Variants in PRKAG2 observed in about 807,000 individuals in gnomAD.
The protein encoded by PRKAG2 is protein kinase AMP-activated non-catalytic subunit gamma 2.
In PRKAG2, 26 loss-of-function variants were observed where a neutral mutation model predicts 69.6. The ratio of observed to expected loss-of-function variants is 0.37; its 90% CI spans 0.27 to 0.52. The LOEUF (loss-of-function observed/expected upper bound fraction) is 0.52. Ranked by LOEUF, PRKAG2 falls within the 20% of genes least tolerant of loss-of-function variation. The probability of loss-of-function intolerance (pLI) is 0.90; values close to 1 mark genes in which losing one functional copy is unlikely to be tolerated. For missense variants in PRKAG2, 557 were observed against 740.0 expected, an observed-to-expected ratio of 0.75 and a Z score of 2.87; for synonymous variants, 293 against 285.0, an observed-to-expected ratio of 1.03 and a Z score of -0.28.
chr7:151,752,542 T>C (rs1188219854), intron 3 of PRKAG2, among the ~76,000 whole-genome samples: 1 of 152,070 alleles, frequency 6.6e-6, no homozygotes, highest in Non-Finnish European at 1.5e-5. Flanking sequence ...GTAACAAACA[T>C]TCACATGGAC....
In PRKAG2 at chr7:151,828,184, G is replaced by A. The variant is rs2078950604; in HGVS notation, c.115-41643C>T. 6.6e-6 allele frequency among the ~76,000 whole-genome samples: 1 copy of A among 152,222 alleles called. No homozygotes were observed. Among genetic ancestry groups the A allele is most frequent in the Non-Finnish European group, 1.5e-5 (1 of 68,042 alleles). On this transcript the variant is annotated intron_variant, in intron 1 of 15. Coordinates refer to ENST00000287878, the MANE Select transcript of PRKAG2 (RefSeq NM_016203.4). This position sits in a 1 kb window ranked among gnomAD's most constrained non-coding sequence, Gnocchi z 4.6. ...AATGAGTGCAACTCTTTGTCCAGGGGTCTCCACGCTTTTGTGAGGAAGAGC... is the reference window on the plus strand; with the variant it reads ...AATGAGTGCAACTCTTTGTCCAGGGATCTCCACGCTTTTGTGAGGAAGAGC...
At chr7:151,827,745 TAAA>T (rs55685618) in intron 1 of PRKAG2, among the ~76,000 whole-genome samples, 17 of 52,258 alleles carry the variant, frequency 3.3e-4, no homozygotes, top group South Asian at 1.1e-3. Flanking sequence ...TGGCCTTAGG[TAAA>T]AAAAAAAAAA....
At chr7:151,578,614 G>T (rs567418414) in intron 6 of PRKAG2, among the ~76,000 whole-genome samples, 87 of 152,286 alleles carry the variant, frequency 5.7e-4, no homozygotes, top group African/African-American at 1.8e-3. Context: ...GCTGAGTCCT[G>T]AATATAGCAG....
At chr7:151,728,340 C>T (rs543116330) in intron 3 of PRKAG2, among the ~76,000 whole-genome samples, 1 of 152,282 alleles carries the variant, frequency 6.6e-6, no homozygotes, top group East Asian at 1.9e-4. Flanking sequence ...CTGAATGTAC[C>T]AAGTGCTCAC....
chr7:151,865,539 C>T (rs1156799006), intron 1 of PRKAG2, among the ~76,000 whole-genome samples: 7 of 152,216 alleles, frequency 4.6e-5, no homozygotes, highest in Admixed American at 4.6e-4. Context: ...CAGTGAGACC[C>T]CTGTGCCTGG....
chr7:151,873,751 G>A (rs1426004121), intron 1 of PRKAG2, among the ~76,000 whole-genome samples: 5 of 152,136 alleles, frequency 3.3e-5, no homozygotes, highest in East Asian at 1.9e-4. Flanking sequence ...CAACGTTCAC[G>A]GCCTGGCCTC....
intron 14 of PRKAG2, among the ~76,000 whole-genome samples, chr7:151,561,679 T>C (rs903824266): frequency 3.3e-5 from 5 of 152,202 alleles, no homozygotes; most frequent in African/African-American, 9.7e-5. Context: ...ACGCCTGTAA[T>C]CCCAGCACTT....
intron 3 of PRKAG2, among the ~76,000 whole-genome samples, chr7:151,728,254 C>G (rs1043681890): frequency 1.8e-4 from 28 of 152,146 alleles, no homozygotes; most frequent in Non-Finnish European, 2.9e-5. Flanking sequence ...CTGAGAGCAC[C>G]TGGACTTTGC....
chr7:151,700,185 G>A (rs905829853), intron 3 of PRKAG2, among the ~76,000 whole-genome samples: 2 of 152,226 alleles, frequency 1.3e-5, no homozygotes, highest in Non-Finnish European at 2.9e-5. Context: ...TTCTGCAGCA[G>A]TGTTTTAAGT....
At chr7:151,752,361 C>G (rs1299279993) in intron 3 of PRKAG2, among the ~76,000 whole-genome samples, 1 of 151,800 alleles carries the variant, frequency 6.6e-6, no homozygotes, top group Admixed American at 6.6e-5. Flanking sequence ...TAAGAACTTA[C>G]GAACACAAAG....
At chr7:151,604,462 T>A (rs113907466) in intron 5 of PRKAG2, among the ~76,000 whole-genome samples, 1 of 151,848 alleles carries the variant, frequency 6.6e-6, no homozygotes, top group African/African-American at 2.4e-5. Flanking sequence ...CATAGTGAGA[T>A]CCCGTTTCTA....
chr7:151,715,055 G>A (rs1336940902), intron 3 of PRKAG2, among the ~76,000 whole-genome samples: 4 of 141,506 alleles, frequency 2.8e-5, no homozygotes, highest in East Asian at 2.0e-4. Context: ...CGCTCTTGTT[G>A]CCCAGGCTGG....
At chr7:151,759,972 C>T (rs766827083) in intron 3 of PRKAG2, among the ~76,000 whole-genome samples, 1 of 152,206 alleles carries the variant, frequency 6.6e-6, no homozygotes, top group Non-Finnish European at 1.5e-5. Flanking sequence ...CCAGGCTGAG[C>T]GGCTGTCCCA....
Position 151,850,568 on chromosome 7 carries a change from G to A in PRKAG2, c.114+25939C>T, listed in dbSNP as rs755417936. 2.0e-4 allele frequency among the ~76,000 whole-genome samples: 31 copies of A among 151,862 alleles called. No individual in the cohort carries two copies. Among genetic ancestry groups the A allele is most frequent in the Non-Finnish European group, 2.9e-5 (2 of 68,042 alleles). On this transcript the variant is annotated intron_variant, in intron 1 of 15. Coordinates refer to ENST00000287878, the MANE Select transcript of PRKAG2 (RefSeq NM_016203.4). The surrounding 1 kb of genome is among the most constrained non-coding windows in gnomAD (Gnocchi z 4.1). ...GCCCAAGCTCACACTCAGCCAAGGAGCCCCGAGCCTGGATTGGAACCCAGA... is the reference window on the plus strand; with the variant it reads ...GCCCAAGCTCACACTCAGCCAAGGAACCCCGAGCCTGGATTGGAACCCAGA...
chr7:151,768,980 C>A (rs927979404), intron 3 of PRKAG2, among the ~76,000 whole-genome samples: 3 of 152,252 alleles, frequency 2.0e-5, no homozygotes, highest in African/African-American at 4.8e-5. Flanking sequence ...TGCACTGTGG[C>A]CTTCCTGTCC....
chr7:151,599,027 T>C (rs1371608786), intron 5 of PRKAG2, among the ~76,000 whole-genome samples: 1 of 152,072 alleles, frequency 6.6e-6, no homozygotes, highest in Non-Finnish European at 1.5e-5. Flanking sequence ...AATATTTGTA[T>C]TTTTAGTAGA....
At chr7:151,822,127 G>A (rs750404303) in intron 1 of PRKAG2, among the ~76,000 whole-genome samples, 63 of 152,188 alleles carry the variant, frequency 4.1e-4, no homozygotes, top group South Asian at 2.1e-4. Context: ...CTTAAGGCAA[G>A]GTAGGAAATG....
intron 1 of PRKAG2, among the ~76,000 whole-genome samples, chr7:151,840,284 G>A (rs1395171135): frequency 6.6e-6 from 1 of 152,166 alleles, no homozygotes; most frequent in African/African-American, 2.4e-5. Context: ...CAACTGGCTG[G>A]CTAAGGTGCC....
At chr7:151,685,633 G>A (rs1378569272) in intron 3 of PRKAG2, among the ~76,000 whole-genome samples, 1 of 152,048 alleles carries the variant, frequency 6.6e-6, no homozygotes, top group Non-Finnish European at 1.5e-5. Context: ...GCTGGGCATG[G>A]TGGCCTGTGC....
Sources: allele counts gnomAD v4.1 joint callset (sites outside exome capture counted in the v4.1 genomes callset), GRCh38; gene constraint gnomAD v4.1.1; non-coding constraint Gnocchi (gnomAD v3.1); transcripts MANE v1.5; gene names NCBI Gene and HGNC (gene_info 2026-07-23, HGNC 2026-07-21).